The following SMYD3 variants were observed in gnomAD, a reference collection of about 807,000 sequenced individuals.
SMYD3 encodes SET and MYND domain containing 3, also known as histone-lysine N-methyltransferase SMYD3.
Under a neutral mutation model 57.7 loss-of-function variants are expected in SMYD3, and 36 were observed. That is an observed-to-expected ratio of 0.62 (90% CI 0.48 to 0.82). The LOEUF is 0.82. Among genes scored for constraint, SMYD3 ranks in the 40% least tolerant of loss-of-function variants. The probability of loss-of-function intolerance (pLI) is 0.00; values close to 1 mark genes in which losing one functional copy is unlikely to be tolerated. For missense variants in SMYD3, 515 were observed against 538.8 expected, an observed-to-expected ratio of 0.96 and a Z score of 0.44; for synonymous variants, 211 against 195.0, an observed-to-expected ratio of 1.08 and a Z score of -0.68.
chr1:245,817,416 C>T (rs201929012), intron 10 of SMYD3, among the ~76,000 whole-genome samples: 8,872 of 148,918 alleles, frequency 0.06, 943 homozygotes, highest in East Asian at 0.52. Flanking sequence ...TCATCAAAGA[C>T]CAAAAGTAGA....
chr1:246,161,359 T>C (rs2062117039), intron 5 of SMYD3, among the ~76,000 whole-genome samples: 1 of 152,226 alleles, frequency 6.6e-6, no homozygotes, highest in Non-Finnish European at 1.5e-5. Context: ...TTAGATTGTT[T>C]CCATCTTTAC....
intron 1 of SMYD3, among the ~76,000 whole-genome samples, chr1:246,465,876 A>G (rs1051975018): frequency 2.0e-5 from 3 of 152,188 alleles, no homozygotes; most frequent in Non-Finnish European, 4.4e-5. Flanking sequence ...GGTTCAAGCA[A>G]TTCTCGTGCG....
At chr1:245,939,464 A>G (rs976878426) in intron 5 of SMYD3, among the ~76,000 whole-genome samples, 1 of 152,068 alleles carries the variant, frequency 6.6e-6, no homozygotes, top group African/African-American at 2.4e-5. Context: ...TCTCTACTAA[A>G]ATACAAAAAA....
intron 1 of SMYD3, among the ~76,000 whole-genome samples, chr1:246,359,487 A>G (rs1343135178): frequency 6.6e-6 from 1 of 152,142 alleles, no homozygotes; most frequent in Non-Finnish European, 1.5e-5. Flanking sequence ...ACCCTAGTAC[A>G]AAAACCAGGG....
chr1:245,911,820 C>T (rs924462123), intron 8 of SMYD3, among the ~76,000 whole-genome samples: 4 of 151,790 alleles, frequency 2.6e-5, no homozygotes, highest in Admixed American at 2.6e-4. Context: ...TGTTCAGCTG[C>T]ACAATAGGGC....
chr1:245,845,715 C>T (rs926433299), intron 10 of SMYD3, among the ~76,000 whole-genome samples: 4 of 152,204 alleles, frequency 2.6e-5, no homozygotes, highest in Non-Finnish European at 4.4e-5. Context: ...AACATAATGG[C>T]GGAGAGCTGC....
rs574948063 is a variant in SMYD3, at chr1:245,777,422, T to C, written c.1077-13273A>G. Among the ~76,000 whole-genome samples the C allele has an allele frequency of 7.2e-5, 11 of 152,290 alleles. No homozygotes were observed. The East Asian group carries it at 2.1e-3, about 29-fold the overall frequency. On this transcript the variant is annotated intron_variant, in intron 10 of 11. Transcript: ENST00000490107. ...TGAGAAGTGTTTATTTTTTTAAAAA[T>C]AACTATATTTTAAGGTAAGAAAATC...
intron 1 of SMYD3, among the ~76,000 whole-genome samples, chr1:246,390,580 C>T (rs1231895310): frequency 6.6e-6 from 1 of 152,128 alleles, no homozygotes; most frequent in Non-Finnish European, 1.5e-5. Context: ...ATATAAGTCA[C>T]ATATATAATT....
At chr1:246,500,039 C>G (rs953631187) in intron 1 of SMYD3, among the ~76,000 whole-genome samples, 2 of 94,944 alleles carry the variant, frequency 2.1e-5, no homozygotes, top group East Asian at 1.4e-3. Flanking sequence ...CCTGATAATG[C>G]TGGATTCTGC....
intron 1 of SMYD3, among the ~76,000 whole-genome samples, chr1:246,397,004 T>C (rs2066684132): frequency 6.6e-6 from 1 of 152,208 alleles, no homozygotes; most frequent in Non-Finnish European, 1.5e-5. Flanking sequence ...TGTGTCACTG[T>C]GATGTAGAAT....
intron 10 of SMYD3, among the ~76,000 whole-genome samples, chr1:245,790,409 C>T (rs553191594): frequency 1.8e-3 from 272 of 152,322 alleles, no homozygotes; most frequent in Non-Finnish European, 2.7e-3. Flanking sequence ...AGAGCCCACT[C>T]TTATCTACCC....
At chr1:245,982,266 C>G (rs2058612763) in intron 5 of SMYD3, among the ~76,000 whole-genome samples, 1 of 152,144 alleles carries the variant, frequency 6.6e-6, no homozygotes, top group Admixed American at 6.6e-5. Flanking sequence ...TCTGGAGTAA[C>G]TGGGACCAGC....
At chr1:245,869,580 T>G (rs760563040) in intron 8 of SMYD3, among the ~76,000 whole-genome samples, 9 of 152,300 alleles carry the variant, frequency 5.9e-5, no homozygotes, top group East Asian at 1.9e-4. Context: ...AGAGCTAGTT[T>G]ATGAAAGACA....
At chr1:246,208,340 T>C (rs912605973) in intron 5 of SMYD3, among the ~76,000 whole-genome samples, 2 of 152,058 alleles carry the variant, frequency 1.3e-5, no homozygotes, top group Admixed American at 6.6e-5. Context: ...GACTGTAAAA[T>C]GTATGGAGAC....
At chr1:246,308,145 G>A (rs1009763953) in intron 5 of SMYD3, among the ~76,000 whole-genome samples, 9 of 152,088 alleles carry the variant, frequency 5.9e-5, no homozygotes, top group African/African-American at 1.9e-4. Context: ...CAAAAAGAAG[G>A]CAGCACAGTT....
intron 8 of SMYD3, among the ~76,000 whole-genome samples, chr1:245,873,952 T>A (rs1408925691): frequency 1.3e-5 from 2 of 152,208 alleles, no homozygotes; most frequent in Non-Finnish European, 2.9e-5. Context: ...ACATTAGGGT[T>A]ACCACTGACA....
intron 10 of SMYD3, among the ~76,000 whole-genome samples, chr1:245,849,358 G>C (rs143383235): frequency 1.3e-5 from 2 of 152,272 alleles, no homozygotes; most frequent in African/African-American, 4.8e-5. Flanking sequence ...ATTTGGCATC[G>C]GGAGGATATT....
Position 245,904,798 on chromosome 1 carries a change from C to A in SMYD3, c.813+10732G>T, listed in dbSNP as rs1333235733. Among the ~76,000 whole-genome samples the A allele has an allele frequency of 4.6e-5, 7 of 151,982 alleles. No homozygotes were observed. In the East Asian group the frequency reaches 1.4e-3, roughly 30 times the overall value. ...AGTGCTGGCGTCACCCCTCCCCTGG[C>A]CCCAGGGTGCACAGCACCTGGCTCC... On this transcript the variant is annotated intron_variant, in intron 8 of 11. Transcript: ENST00000490107.
At chr1:246,226,166 T>C (rs891308444) in intron 5 of SMYD3, among the ~76,000 whole-genome samples, 2 of 152,162 alleles carry the variant, frequency 1.3e-5, no homozygotes, top group Non-Finnish European at 2.9e-5. Flanking sequence ...TCCATAAATG[T>C]TTTGGACACT....
Sources: gnomAD v4.1 joint callset for allele counts (sites outside exome capture counted in the v4.1 genomes callset) on GRCh38, gnomAD v4.1.1 for gene constraint, MANE v1.5 for transcripts, NCBI Gene and HGNC (gene_info 2026-07-23, HGNC 2026-07-21) for gene names.